The following RNF11 variants were observed in gnomAD, a reference collection of about 807,000 sequenced individuals.
The protein encoded by RNF11 is ring finger protein 11.
Under a neutral mutation model 15.8 loss-of-function variants are expected in RNF11, and 4 were observed. The observed-to-expected ratio is 0.25, with a 90% CI of 0.12 to 0.58. The LOEUF is 0.58. Among genes scored for constraint, RNF11 ranks in the 20% least tolerant of loss-of-function variants. RNF11 has a pLI of 0.91. For synonymous variants in RNF11, 68 were observed against 72.3 expected, an observed-to-expected ratio of 0.94 and a Z score of 0.30; for missense variants, 139 against 194.4, an observed-to-expected ratio of 0.71 and a Z score of 1.70.
rs1303131298 is a variant in RNF11, at chr1:51,272,202, G to C, written c.*880G>C. The stretch of plus-strand genomic sequence containing the variant: ...GATTGAATTATGCCACCACGTTTAT[G>C]TAAAAATGAAGGTGGCACCGTGGTG... On this transcript the variant is annotated 3_prime_UTR_variant, in exon 3 of 3. Transcript: ENST00000242719. 8 of 152,592 alleles carry C rather than the reference G, an allele frequency of 5.2e-5. No individual in the cohort carries two copies. The highest frequency in any genetic ancestry group is 2.6e-4 in the Admixed American group (4 of 15,274). The allele number at this position is 152,592 out of a possible 1,614,324, so 9.5% of individuals were successfully genotyped here.
At chr1:51,264,301 TATATATATATATATATACACACAC>T (rs1031163737) in intron 1 of RNF11, among the ~76,000 whole-genome samples, 1 of 99,654 alleles carries the variant, frequency 1.0e-5, no homozygotes, top group African/African-American at 5.0e-5. Context: ...TATATATATA[TATATATATATATATATACACACAC>T]ACACACACAC....
In RNF11 at chr1:51,254,940, G is replaced by GA. The variant is rs568575944; in HGVS notation, c.124-15009dup. Among the ~76,000 whole-genome samples the GA allele has an allele frequency of 1.2e-4, 18 of 152,126 alleles. 1 individual carries two copies. The South Asian group carries it at 2.5e-3, about 21-fold the overall frequency. Reference sequence around the variant, plus strand: ...GGCTCTTACTAACTTTACTCTGGGAGAAAAAAACATAGCTCCAATTTTCTT... The same window carrying GA: ...GGCTCTTACTAACTTTACTCTGGGAGAAAAAAAACATAGCTCCAATTTTCTT... On this transcript the variant is annotated intron_variant, in intron 1 of 2. Coordinates refer to ENST00000242719, the MANE Select transcript of RNF11 (RefSeq NM_014372.5).
chr1:51,268,254 C>T (rs1302397896), intron 1 of RNF11, among the ~76,000 whole-genome samples: 7 of 152,122 alleles, frequency 4.6e-5, no homozygotes. Context: ...GGTGAGGCCA[C>T]ATTCATCTTT....
chr1:51,251,801 G>A (rs1569664902), intron 1 of RNF11, among the ~76,000 whole-genome samples: 1 of 152,040 alleles, frequency 6.6e-6, no homozygotes, highest in South Asian at 2.1e-4. Flanking sequence ...AGCTGGAGCC[G>A]GGCGAGGTGG....
intron 1 of RNF11, among the ~76,000 whole-genome samples, chr1:51,245,796 C>T (rs1213075064): frequency 6.6e-6 from 1 of 152,156 alleles, no homozygotes; most frequent in Non-Finnish European, 1.5e-5. Flanking sequence ...GACAGAAATA[C>T]ATCCCTAACT....
chr1:51,250,573 G>A (rs140268307), intron 1 of RNF11: 654 of 596,434 alleles, frequency 1.1e-3, no homozygotes, highest in Non-Finnish European at 1.7e-3. Context: ...CGCTTAATTC[G>A]CTTTATTTTC....
intron 1 of RNF11, among the ~76,000 whole-genome samples, chr1:51,237,337 G>T (rs909930052): frequency 1.3e-5 from 2 of 150,902 alleles, no homozygotes; most frequent in Non-Finnish European, 2.9e-5. Flanking sequence ...TTGTTAATTG[G>T]ATCTGGCAGG....
intron 1 of RNF11, among the ~76,000 whole-genome samples, chr1:51,252,453 A>C (rs1646884253): frequency 6.6e-6 from 1 of 152,056 alleles, no homozygotes; most frequent in Non-Finnish European, 1.5e-5. Context: ...TGTTTCTATA[A>C]AAAATACAAA....
intron 1 of RNF11, among the ~76,000 whole-genome samples, chr1:51,242,971 A>C (rs944767136): frequency 6.6e-6 from 1 of 152,210 alleles, no homozygotes; most frequent in African/African-American, 2.4e-5. Flanking sequence ...CTTTATGCTC[A>C]AGAAGTTCAG....
At chr1:51,245,818 G>T (rs912722756) in intron 1 of RNF11, among the ~76,000 whole-genome samples, 7 of 152,174 alleles carry the variant, frequency 4.6e-5, no homozygotes, top group African/African-American at 9.7e-5. Context: ...TGTACCTGAA[G>T]TAAGGAAGGT....
intron 1 of RNF11, among the ~76,000 whole-genome samples, chr1:51,242,702 A>T (rs76388439): frequency 0.021 from 3,206 of 151,914 alleles, 95 homozygotes; most frequent in African/African-American, 0.065. Flanking sequence ...GGCTCAAGTG[A>T]TCCTCCCACC....
intron 1 of RNF11, among the ~76,000 whole-genome samples, chr1:51,245,950 C>T (rs371424870): frequency 6.6e-6 from 1 of 152,064 alleles, no homozygotes; most frequent in African/African-American, 2.4e-5. Flanking sequence ...CAGAATTTAC[C>T]TTGGCTGAGA....
chr1:51,251,775 A>G (rs1482432721), intron 1 of RNF11, among the ~76,000 whole-genome samples: 4 of 152,014 alleles, frequency 2.6e-5, no homozygotes, highest in Non-Finnish European at 5.9e-5. Context: ...CATCTTTACA[A>G]AAAATCAAAA....
At chr1:51,250,052 G>C (rs1269493090) in intron 1 of RNF11, among the ~76,000 whole-genome samples, 1 of 152,134 alleles carries the variant, frequency 6.6e-6, no homozygotes, top group Non-Finnish European at 1.5e-5. Context: ...TTTCCAAGTG[G>C]TTGCACTAAT....
At chr1:51,244,703 A>G (rs187770512) in intron 1 of RNF11, among the ~76,000 whole-genome samples, 25 of 152,276 alleles carry the variant, frequency 1.6e-4, no homozygotes, top group African/African-American at 5.8e-4. Context: ...CATGAAGTTC[A>G]GCTTGCCTAG....
chr1:51,241,860 A>G (rs1646830673), intron 1 of RNF11, among the ~76,000 whole-genome samples: 1 of 152,240 alleles, frequency 6.6e-6, no homozygotes, highest in African/African-American at 2.4e-5. Flanking sequence ...CCTGAAAGGC[A>G]TATGTAAAAC....
At chr1:51,265,163 T>A in intron 1 of RNF11, 1 of 152,152 alleles carries the variant, frequency 6.6e-6, no homozygotes. Context: ...CTGTCTCTAC[T>A]AAAAATAAAA....
intron 1 of RNF11, among the ~76,000 whole-genome samples, chr1:51,238,788 C>G (rs1646816374): frequency 1.3e-5 from 2 of 151,964 alleles, no homozygotes; most frequent in African/African-American, 4.8e-5. Flanking sequence ...AGTGCAGTGG[C>G]ACAATCTCAC....
At chr1:51,243,536 C>G (rs1646839470) in intron 1 of RNF11, among the ~76,000 whole-genome samples, 1 of 152,048 alleles carries the variant, frequency 6.6e-6, no homozygotes, top group African/African-American at 2.4e-5. Flanking sequence ...CCTCCCGGGT[C>G]CGAGCAATTC....
Sources: gnomAD v4.1 joint callset for allele counts (sites outside exome capture counted in the v4.1 genomes callset) on GRCh38, gnomAD v4.1.1 for gene constraint, MANE v1.5 for transcripts, NCBI Gene and HGNC (gene_info 2026-07-23, HGNC 2026-07-21) for gene names.